KIF4A: variants seen among roughly 807,000 people sequenced by gnomAD.
The protein encoded by KIF4A is kinesin family member 4A, also known as chromosome-associated kinesin KIF4A.
A neutral mutation model predicts 105.9 loss-of-function variants in KIF4A; 7 were observed. That is an observed-to-expected ratio of 0.07 (90% CI 0.04 to 0.12). The LOEUF is 0.12. Among genes scored for constraint, KIF4A ranks in the 10% least tolerant of loss-of-function variants. KIF4A has a pLI of 1.00. For synonymous variants in KIF4A, 281 were observed against 331.3 expected (o/e 0.85, Z 1.65); for missense variants, 558 against 929.2 (o/e 0.60, Z 5.19).
intron 13 of KIF4A, among the ~76,000 whole-genome samples, chrX:70,347,741 C>T (rs989336841): frequency 6.7e-5 from 7 of 105,185 alleles, no homozygotes; most frequent in Non-Finnish European, 1.2e-4. Context: ...TTTGGGAGGC[C>T]GAGGCGGGCG....
At chrX:70,401,330 G>A (rs148423416) in intron 22 of KIF4A, among the ~76,000 whole-genome samples, 3,499 of 106,373 alleles carry the variant, frequency 0.033, 72 homozygotes, top group Non-Finnish European at 0.052. Flanking sequence ...TGCCTGCCTC[G>A]GCCTCCCAAA....
chrX:70,364,019 G>A (rs1417119095), intron 15 of KIF4A, among the ~76,000 whole-genome samples: 2 of 112,268 alleles, frequency 1.8e-5, no homozygotes, highest in Non-Finnish European at 3.8e-5. Flanking sequence ...CATGTGTCTT[G>A]TGGCTGCATA....
At chrX:70,399,043 G>T (rs142817426) in intron 22 of KIF4A, among the ~76,000 whole-genome samples, 1,847 of 111,528 alleles carry the variant, frequency 0.017, 37 homozygotes, top group African/African-American at 0.057. Context: ...AATTAAGAAT[G>T]GTGTTGCGAA....
chrX:70,359,435 CTT>C (rs200597187), intron 15 of KIF4A, among the ~76,000 whole-genome samples: 83 of 107,444 alleles, frequency 7.7e-4, no homozygotes, highest in African/African-American at 2.6e-3. Context: ...TTCTTTCTTT[CTT>C]TCTCTCTCTC....
At chrX:70,396,574 A>T (rs1290240124) in intron 22 of KIF4A, among the ~76,000 whole-genome samples, 1 of 111,855 alleles carries the variant, frequency 8.9e-6, no homozygotes, top group Non-Finnish European at 1.9e-5. Context: ...GTCAGGCACC[A>T]TAATTTTTGA....
At chrX:70,291,194 T>A (rs781665143) in intron 3 of KIF4A, among the ~76,000 whole-genome samples, 123 of 111,464 alleles carry the variant, frequency 1.1e-3, no homozygotes, top group Middle Eastern at 4.6e-3. Context: ...GTCCAGGGGA[T>A]AGGAATGGAG....
intron 10 of KIF4A, among the ~76,000 whole-genome samples, chrX:70,337,129 C>T (rs1476918303): frequency 8.9e-6 from 1 of 112,006 alleles, no homozygotes; most frequent in Non-Finnish European, 1.9e-5. Flanking sequence ...TGTATCCATT[C>T]ATCCATTGAT....
intron 13 of KIF4A, among the ~76,000 whole-genome samples, chrX:70,348,366 A>T (rs1421255697): frequency 9.0e-6 from 1 of 111,185 alleles, no homozygotes; most frequent in African/African-American, 3.3e-5. Context: ...TGTTTTTTTT[A>T]GTATTTATTG....
chrX:70,401,096 T>TC (rs2086280085), intron 22 of KIF4A, among the ~76,000 whole-genome samples: 2 of 104,260 alleles, frequency 1.9e-5, no homozygotes, highest in South Asian at 9.1e-4. Context: ...TTTTTTTTTT[T>TC]TTGAGATGGA....
intron 13 of KIF4A, 130 bp downstream of exon 13, chrX:70,344,112 G>A: frequency 4.1e-6 from 2 of 485,055 alleles, no homozygotes; most frequent in African/African-American, 2.4e-5. Context: ...GACAGAGGTC[G>A]TGGATCATTT....
chrX:70,380,978 G>A (rs756581584), intron 18 of KIF4A, among the ~76,000 whole-genome samples: 7 of 110,137 alleles, frequency 6.4e-5, no homozygotes, highest in African/African-American at 1.7e-4. Context: ...GTGAAACCCC[G>A]TCTCTACTAA....
chrX:70,317,233 T>G (rs958905215), intron 7 of KIF4A, among the ~76,000 whole-genome samples: 1 of 111,601 alleles, frequency 9.0e-6, no homozygotes, highest in Non-Finnish European at 1.9e-5. Flanking sequence ...TGAATCCTCC[T>G]GTAACTACTG....
At chrX:70,319,136 G>A (rs1322376786) in intron 7 of KIF4A, among the ~76,000 whole-genome samples, 4 of 110,830 alleles carry the variant, frequency 3.6e-5, no homozygotes, top group Admixed American at 1.9e-4. Context: ...GGTGGCGGGC[G>A]CCTGTAGTCC....
intron 13 of KIF4A, among the ~76,000 whole-genome samples, chrX:70,352,370 C>T (rs956126108): frequency 4.5e-5 from 5 of 111,644 alleles, no homozygotes; most frequent in Admixed American, 1.9e-4. Flanking sequence ...TCAGTTGCCA[C>T]ATGACCTTAT....
At chrX:70,399,984 T>C (rs991463670) in intron 22 of KIF4A, among the ~76,000 whole-genome samples, 5 of 104,760 alleles carry the variant, frequency 4.8e-5, no homozygotes, top group Non-Finnish European at 9.7e-5. Context: ...AACAACAAAG[T>C]TTATTAATAA....
At chrX:70,338,249 C>T (rs1235133715) in intron 10 of KIF4A, among the ~76,000 whole-genome samples, 1 of 111,726 alleles carries the variant, frequency 9.0e-6, no homozygotes, top group East Asian at 2.8e-4. Flanking sequence ...ACTATCACCA[C>T]AATTCAGGTT....
chrX:70,408,385 G>A (rs1261856280), intron 28 of KIF4A, among the ~76,000 whole-genome samples: 4 of 111,791 alleles, frequency 3.6e-5, no homozygotes, highest in Non-Finnish European at 7.5e-5. Flanking sequence ...GGCTACTTAG[G>A]AACAATCCGA....
intron 22 of KIF4A, among the ~76,000 whole-genome samples, chrX:70,398,765 C>G (rs1361919868): frequency 2.7e-5 from 3 of 112,027 alleles, no homozygotes; most frequent in Non-Finnish European, 3.8e-5. Flanking sequence ...AAGGAAAGGA[C>G]TCTACATTAG....
intron 24 of KIF4A, among the ~76,000 whole-genome samples, chrX:70,404,247 G>T (rs1200720844): frequency 8.9e-6 from 1 of 111,856 alleles, no homozygotes; most frequent in Non-Finnish European, 1.9e-5. Flanking sequence ...ACTTAAATAT[G>T]AATATTAACA....
Sources: allele counts gnomAD v4.1 joint callset (sites outside exome capture counted in the v4.1 genomes callset), GRCh38; gene constraint gnomAD v4.1.1; transcripts MANE v1.5; gene names NCBI Gene and HGNC (gene_info 2026-07-23, HGNC 2026-07-21).